The following GRK5 variants were observed in gnomAD, a reference collection of about 807,000 sequenced individuals.
The protein encoded by GRK5 is G protein-coupled receptor kinase 5.
A neutral mutation model predicts 78.4 loss-of-function variants in GRK5; 40 were observed. The ratio of observed to expected loss-of-function variants is 0.51; its 90% CI spans 0.40 to 0.66. The LOEUF is 0.66. Ranked by LOEUF, GRK5 falls within the 30% of genes least tolerant of loss-of-function variation. The probability of loss-of-function intolerance (pLI) is 0.00; values close to 1 mark genes in which losing one functional copy is unlikely to be tolerated. For missense variants in GRK5, 598 were observed against 759.9 expected (o/e 0.79, Z 2.50); for synonymous variants, 289 against 296.8 (o/e 0.97, Z 0.27).
At position 119,443,560 on chromosome 10, in the gene GRK5, C is replaced by A; in HGVS notation, c.1074C>A (p.Asn358Lys). The change falls in exon 12 of 16, where the codon AAC becomes AAA. Residue 358 changes from asparagine to lysine, a missense_variant. Coordinates refer to ENST00000392870, the MANE Select transcript of GRK5 (RefSeq NM_005308.3). Reference sequence around the variant, plus strand: ...TGCCCCCAGCTCCAGAGGTCCTGAACAACCAGAGGTACGGCCTGAGCCCCG... The same window carrying A: ...TGCCCCCAGCTCCAGAGGTCCTGAAAAACCAGAGGTACGGCCTGAGCCCCG... The part of the protein sequence containing the change: ...TVGYMAPEVL[N>K]NQRYGLSPDY... 1 of 1,607,706 alleles carries A rather than the reference C, an allele frequency of 6.2e-7. No homozygotes were observed. Among genetic ancestry groups the A allele is most frequent in the Middle Eastern group, 1.7e-4 (1 of 6,036 alleles).
In GRK5 at chr10:119,429,191, G is replaced by A. The variant is rs143967268; in HGVS notation, c.534-1184G>A. Among the ~76,000 whole-genome samples, 15 of 152,316 alleles carry A rather than the reference G, an allele frequency of 9.8e-5. No individual in the cohort carries two copies. The East Asian group carries it at 2.9e-3, about 29-fold the overall frequency. ...ACTGGTGAAGGGAGAAGTGAGCCAT[G>A]GCACGCAAATTCAAGATGGGGTGCC... is the stretch of plus-strand genomic sequence containing the variant. On this transcript the variant is annotated intron_variant, in intron 6 of 15. Transcript: ENST00000392870.
rs1381715858 is a variant in GRK5 at position 119,228,402 on chromosome 10, A to T, written c.52+20433A>T. On this transcript the variant is annotated intron_variant, in intron 1 of 15. Coordinates refer to ENST00000392870, the MANE Select transcript of GRK5 (RefSeq NM_005308.3). Reference sequence around the variant, plus strand: ...GCCCCCCCGCAAAAACGTTATGGAGATCTAGTTCGAGACCAGCCTGGGCAA... The same window carrying T: ...GCCCCCCCGCAAAAACGTTATGGAGTTCTAGTTCGAGACCAGCCTGGGCAA... Among the ~76,000 whole-genome samples the T allele has an allele frequency of 3.3e-5, 5 of 149,838 alleles. No homozygotes were observed. In the East Asian group the frequency reaches 7.9e-4, roughly 24 times the overall value.
At position 119,306,152 on chromosome 10, in the gene GRK5, G is replaced by A. The variant is rs1010811045; in HGVS notation, c.53-20364G>A. ...AGGGGGGAGCCTTTTGGATGAGTCA[G>A]TCCTCTCTGGTTGGAAACAGCAGAG... On this transcript the variant is annotated intron_variant, in intron 1 of 15. Transcript: ENST00000392870. Among the ~76,000 whole-genome samples the A allele has an allele frequency of 3.3e-5, 5 of 152,274 alleles. 1 individual carries two copies. Among genetic ancestry groups the A allele is most frequent in the Admixed American group, 3.3e-4 (5 of 15,306 alleles).
Position 119,445,912 on chromosome 10 carries a change from C to T in GRK5, c.1266+2160C>T, listed in dbSNP as rs1853136755. ...CCATTCTACCTTAGCAGCCGCAGAACCCACTCCCCCTCCTCTGGAGCCCAG... is the reference window on the plus strand; with the variant it reads ...CCATTCTACCTTAGCAGCCGCAGAATCCACTCCCCCTCCTCTGGAGCCCAG... On this transcript the variant is annotated intron_variant, in intron 12 of 15. Transcript: ENST00000392870. The surrounding 1 kb of genome is among the most constrained non-coding windows in gnomAD (Gnocchi z 4.1). Among the ~76,000 whole-genome samples, 1 of 150,194 alleles carries T rather than the reference C, an allele frequency of 6.7e-6. No individual in the cohort carries two copies. Among genetic ancestry groups the T allele is most frequent in the Admixed American group, 6.6e-5 (1 of 15,108 alleles).
At chr10:119,209,199 CTG>C (rs1360500569) in intron 1 of GRK5, among the ~76,000 whole-genome samples, 9 of 152,204 alleles carry the variant, frequency 5.9e-5, no homozygotes, top group Admixed American at 5.9e-4. Context: ...TCCCTACACA[CTG>C]TGGGGGTAGG....
At chr10:119,221,249 G>A (rs1451886323) in intron 1 of GRK5, among the ~76,000 whole-genome samples, 1 of 152,058 alleles carries the variant, frequency 6.6e-6, no homozygotes, top group Non-Finnish European at 1.5e-5. Context: ...GAAATAATTA[G>A]CGTCAGCATG....
In GRK5 at chr10:119,452,877, G is replaced by A. The variant is rs1184869226; in HGVS notation, c.1542+69G>A. The A allele has an allele frequency of 1.3e-5, 20 of 1,486,758 alleles. 1 individual carries two copies. In the Middle Eastern group the frequency reaches 5.3e-4, roughly 39 times the overall value. 92.1% of individuals were successfully genotyped at this position (1,486,758 alleles called of 1,614,324 possible). On this transcript the variant is annotated intron_variant, in intron 14 of 15. Transcript: ENST00000392870. This position sits in a 1 kb window ranked among gnomAD's most constrained non-coding sequence, Gnocchi z 4.4. ...GGACTGACGGGTGGAAGGAGGCGTC[G>A]GGAATATGAGTTTGGCGGCAGGAGG...
In GRK5 at chr10:119,376,888, T is replaced by C. The variant is rs546730258; in HGVS notation, c.149-3927T>C. On this transcript the variant is annotated intron_variant, in intron 2 of 15. Coordinates refer to ENST00000392870, the MANE Select transcript of GRK5 (RefSeq NM_005308.3). ...GGCCACTACTCCCAAATGTCTTACATAAAGCAGCCTCTTTCTGGCTTGGAG... is the reference window on the plus strand; with the variant it reads ...GGCCACTACTCCCAAATGTCTTACACAAAGCAGCCTCTTTCTGGCTTGGAG... 1.4e-4 allele frequency among the ~76,000 whole-genome samples: 22 copies of C among 152,268 alleles called. No homozygotes were observed. The East Asian group carries it at 3.5e-3, about 24-fold the overall frequency.
chr10:119,355,167 AATCCAT>A (rs1851246834), intron 2 of GRK5, among the ~76,000 whole-genome samples: 1 of 152,272 alleles, frequency 6.6e-6, no homozygotes, highest in Non-Finnish European at 1.5e-5. Context: ...CAGACACAAC[AATCCAT>A]TTCCTGTCAA....
At position 119,431,538 on chromosome 10, in the gene GRK5, A is replaced by C. The variant is rs140741672; in HGVS notation, c.738+11A>C. On this transcript the variant is annotated intron_variant, in intron 8 of 15. Transcript: ENST00000392870. The surrounding 1 kb of genome is among the most constrained non-coding windows in gnomAD (Gnocchi z 4.8). ...AACAGTCAGTTTGTGGTGAGTGAGC[A>C]TCTGGGCCCAGTGACCGGCTCGCCC... The C allele has an allele frequency of 2.3e-5, 37 of 1,610,618 alleles. No homozygotes were observed. In the Middle Eastern group the frequency reaches 5.0e-4, roughly 22 times the overall value.
intron 4 of GRK5, among the ~76,000 whole-genome samples, chr10:119,408,882 AAG>A (rs1852287641): frequency 6.6e-6 from 1 of 152,240 alleles, no homozygotes. Context: ...ATGAAAGAAA[AAG>A]AGCAAGAAAA....
chr10:119,421,054 G>GC (rs1378184567), intron 4 of GRK5, among the ~76,000 whole-genome samples: 63 of 151,920 alleles, frequency 4.1e-4, no homozygotes, highest in Admixed American at 7.2e-4. Context: ...GGCCCACCCT[G>GC]CTGGCATCTC....
intron 1 of GRK5, among the ~76,000 whole-genome samples, chr10:119,297,655 A>G (rs936891645): frequency 2.6e-5 from 4 of 152,156 alleles, no homozygotes; most frequent in Middle Eastern, 3.4e-3. Context: ...ATAACAACCT[A>G]CTCCTGTTTG....
chr10:119,371,621 GGCCCT>G (rs373788523), intron 2 of GRK5, among the ~76,000 whole-genome samples: 336 of 152,330 alleles, frequency 2.2e-3, no homozygotes, highest in African/African-American at 7.6e-3. Context: ...AGGCTGGCAT[GGCCCT>G]GCCCTGCCCT....
intron 1 of GRK5, among the ~76,000 whole-genome samples, chr10:119,246,744 C>T (rs181686950): frequency 2.6e-5 from 4 of 152,284 alleles, no homozygotes; most frequent in Non-Finnish European, 4.4e-5. Context: ...GCATGGCATA[C>T]CTAGTTGAGG....
intron 1 of GRK5, among the ~76,000 whole-genome samples, chr10:119,314,618 G>T (rs1171375615): frequency 6.6e-6 from 1 of 152,196 alleles, no homozygotes; most frequent in East Asian, 1.9e-4. Flanking sequence ...CTGCCCCAGG[G>T]AACAGTGGAC....
chr10:119,447,249 T>C (rs1403849164), intron 12 of GRK5, among the ~76,000 whole-genome samples: 1 of 152,170 alleles, frequency 6.6e-6, no homozygotes, highest in East Asian at 1.9e-4. Flanking sequence ...TCCTGCCTCG[T>C]GGTTCTGATG....
At position 119,376,759 on chromosome 10, in the gene GRK5, G is replaced by T. The variant is rs1028572072; in HGVS notation, c.149-4056G>T. Among the ~76,000 whole-genome samples the T allele has an allele frequency of 2.0e-5, 3 of 152,008 alleles. No individual in the cohort carries two copies. In the East Asian group the frequency reaches 5.8e-4, roughly 29 times the overall value. On this transcript the variant is annotated intron_variant, in intron 2 of 15. Transcript: ENST00000392870. The stretch of plus-strand genomic sequence containing the variant: ...ATTTTGTATTTTTAGTAGAGACAGG[G>T]TTTCACTATGTTAGCCAGGCTGGTC...
In GRK5 at chr10:119,253,847, GGTGTGTGT is replaced by G. The variant is rs58171371; in HGVS notation, c.52+45897_52+45904del. Among the ~76,000 whole-genome samples the G allele has an allele frequency of 1.1e-4, 17 of 150,254 alleles. No individual in the cohort carries two copies. Among genetic ancestry groups the G allele is most frequent in the Admixed American group, 2.6e-4 (4 of 15,120 alleles). ...GTTCCTGGTGGTTCTTTGCCCCAGGGGTGTGTGTGTGTGTGTGTGTGTGTGTACACATG... is the reference window on the plus strand; with the variant it reads ...GTTCCTGGTGGTTCTTTGCCCCAGGGGTGTGTGTGTGTGTGTGTACACATG... On this transcript the variant is annotated intron_variant, in intron 1 of 15. Coordinates refer to ENST00000392870, the MANE Select transcript of GRK5 (RefSeq NM_005308.3). The surrounding 1 kb of genome is among the most constrained non-coding windows in gnomAD (Gnocchi z 5.7).
Sources: allele counts gnomAD v4.1 joint callset (sites outside exome capture counted in the v4.1 genomes callset), GRCh38; gene constraint gnomAD v4.1.1; non-coding constraint Gnocchi (gnomAD v3.1); transcripts MANE v1.5; gene names NCBI Gene and HGNC (gene_info 2026-07-23, HGNC 2026-07-21).